MIB1: variants seen among roughly 807,000 people sequenced by gnomAD.
MIB1 encodes the protein MIB E3 ubiquitin protein ligase 1.
MIB1 carries 278 observed loss-of-function variants against 124.5 expected under a neutral mutation model. That is an observed-to-expected ratio of 2.23 (90% CI 2.02 to 2.47). The LOEUF is 2.47. Ranked by LOEUF, MIB1 falls within the 30% of genes most tolerant of loss-of-function variation. The probability of loss-of-function intolerance (pLI) is 0.00; values close to 1 mark genes in which losing one functional copy is unlikely to be tolerated. For synonymous variants in MIB1, 446 were observed against 429.4 expected (o/e 1.04, Z -0.48); for missense variants, 957 against 1,254.4 (o/e 0.76, Z 3.58).
At chr18:21,739,415 G>A (rs1311837559), upstream of MIB1, among the ~76,000 whole-genome samples, 1 of 152,012 alleles carries the variant, frequency 6.6e-6, no homozygotes, top group Non-Finnish European at 1.5e-5. Context: ...GAAAAAGAGG[G>A]AATCCTCCCT....
At chr18:21,746,433 T>C (rs2040913801) in intron 1 of MIB1, among the ~76,000 whole-genome samples, 1 of 152,216 alleles carries the variant, frequency 6.6e-6, no homozygotes, top group African/African-American at 2.4e-5. Context: ...GTTTGAGTGA[T>C]ATAACGTCTG....
intron 6 of MIB1, among the ~76,000 whole-genome samples, chr18:21,780,207 A>G (rs1680363804): frequency 6.6e-6 from 1 of 152,200 alleles, no homozygotes; most frequent in South Asian, 2.1e-4. Flanking sequence ...AATTGGGGCA[A>G]CCATCAGTAT....
chr18:21,825,822 T>G (rs765155997), intron 12 of MIB1: 3 of 476,080 alleles, frequency 6.3e-6, no homozygotes, highest in African/African-American at 4.0e-5. Context: ...AGTTAAATGC[T>G]TTTCATTGGT....
intron 9 of MIB1, among the ~76,000 whole-genome samples, chr18:21,802,444 T>C (rs907028009): frequency 2.0e-5 from 3 of 152,248 alleles, no homozygotes. Flanking sequence ...CCACCCTTTT[T>C]CCAAGGTTTT....
At chr18:21,769,263 T>C (rs1195633391) in intron 3 of MIB1, among the ~76,000 whole-genome samples, 1 of 152,122 alleles carries the variant, frequency 6.6e-6, no homozygotes, top group African/African-American at 2.4e-5. Flanking sequence ...ATGAGAGACC[T>C]CAGCTGATCT....
chr18:21,708,674 G>C (rs2040651554), intron 1 of MIB1, among the ~76,000 whole-genome samples: 2 of 151,974 alleles, frequency 1.3e-5, no homozygotes, highest in African/African-American at 2.4e-5. Flanking sequence ...AAAAAACCAA[G>C]TAACTGTTAT....
intron 16 of MIB1, among the ~76,000 whole-genome samples, chr18:21,847,635 A>G (rs1297090879): frequency 1.3e-5 from 2 of 152,118 alleles, no homozygotes; most frequent in Non-Finnish European, 2.9e-5. Flanking sequence ...CTCTATATTT[A>G]AAATTTAAAT....
intron 3 of MIB1, among the ~76,000 whole-genome samples, chr18:21,769,589 C>G (rs1392506625): frequency 6.6e-6 from 1 of 152,106 alleles, no homozygotes; most frequent in Admixed American, 6.6e-5. Flanking sequence ...TTTTCTGTAT[C>G]CCATTAGATA....
rs765049766 is a variant in MIB1, at chr18:21,867,126, T to C, written c.*2460T>C. 4.6e-5 allele frequency: 7 copies of C among 152,570 alleles called. No homozygotes were observed. The highest frequency in any genetic ancestry group is 8.8e-5 in the Non-Finnish European group (6 of 68,028). The allele number at this position is 152,570 out of a possible 1,614,324, so 9.5% of individuals were successfully genotyped here. A position where few individuals can be genotyped will look rare whatever the true frequency, so the allele number is the denominator to read the frequency against. ...AAAGAAAAAAACTGACACGCATTCA[T>C]TCAAAAAAGTATTTATTGGGCTTTA... On this transcript the variant is annotated 3_prime_UTR_variant, in exon 21 of 21. Transcript: ENST00000261537.
chr18:21,802,175 T>A (rs1307664985), intron 9 of MIB1, among the ~76,000 whole-genome samples: 2 of 152,142 alleles, frequency 1.3e-5, no homozygotes, highest in Non-Finnish European at 2.9e-5. Flanking sequence ...GTACGCTGTT[T>A]TTTCTCTCAA....
intron 18 of MIB1, among the ~76,000 whole-genome samples, chr18:21,854,433 T>G (rs1333282268): frequency 6.6e-6 from 1 of 152,174 alleles, no homozygotes; most frequent in African/African-American, 2.4e-5. Flanking sequence ...CACGTCAGAT[T>G]TGGCCCTCAG....
chr18:21,845,929 A>T (rs572114848), intron 15 of MIB1, among the ~76,000 whole-genome samples: 2 of 152,180 alleles, frequency 1.3e-5, no homozygotes, highest in South Asian at 4.1e-4. Flanking sequence ...GGCTGAAAAG[A>T]CTTTCTTTTT....
upstream of MIB1, among the ~76,000 whole-genome samples, chr18:21,735,921 C>CT (rs2146367305): frequency 6.6e-6 from 1 of 152,344 alleles, no homozygotes; most frequent in Admixed American, 6.5e-5. Context: ...GACAGAGTAT[C>CT]TGGGGGAAGG....
chr18:21,827,896 C>T (rs1311380453), intron 12 of MIB1: 1 of 151,888 alleles, frequency 6.6e-6, no homozygotes, highest in African/African-American at 2.4e-5. Context: ...TGCTTTTATA[C>T]ATGTGTAAAT....
intron 6 of MIB1, among the ~76,000 whole-genome samples, chr18:21,782,431 T>C (rs1435499635): frequency 1.3e-5 from 2 of 152,234 alleles, no homozygotes; most frequent in Non-Finnish European, 2.9e-5. Context: ...CGTTAAATTA[T>C]TGATCAGGTG....
rs575405919 is a variant in MIB1 at position 21,850,243 on chromosome 18, T to C, written c.2586+855T>C. Among the ~76,000 whole-genome samples the C allele has an allele frequency of 7.2e-5, 11 of 152,310 alleles. No homozygotes were observed. The South Asian group carries it at 1.0e-3, about 14-fold the overall frequency. ...TCAATACTCAAATGTGTGTGTGTAT[T>C]GCATATAAAGTGAAATTTGAGTTTC... On this transcript the variant is annotated intron_variant, in intron 17 of 20. Transcript: ENST00000261537.
At chr18:21,776,301 T>C (rs989634416) in intron 4 of MIB1, among the ~76,000 whole-genome samples, 10 of 151,636 alleles carry the variant, frequency 6.6e-5, no homozygotes, top group Admixed American at 2.0e-4. Flanking sequence ...AAAAAACCAA[T>C]TTGACACCTA....
At chr18:21,858,688 C>T (rs1568230010) in intron 20 of MIB1, 42 bp downstream of exon 20, 1 of 994,982 alleles carries the variant, frequency 1.0e-6, no homozygotes, top group East Asian at 2.4e-5. Flanking sequence ...GTGAATGGCA[C>T]TGAATATTTT....
At chr18:21,766,501 G>A (rs979928462) in intron 2 of MIB1, among the ~76,000 whole-genome samples, 6 of 152,158 alleles carry the variant, frequency 3.9e-5, no homozygotes, top group African/African-American at 1.2e-4. Flanking sequence ...AGTATTCATT[G>A]TTAATGGGGG....
Sources: allele counts gnomAD v4.1 joint callset (sites outside exome capture counted in the v4.1 genomes callset), GRCh38; gene constraint gnomAD v4.1.1; transcripts MANE v1.5; gene names NCBI Gene and HGNC (gene_info 2026-07-23, HGNC 2026-07-21).